TIAM1: variants seen among roughly 807,000 people sequenced by gnomAD.
TIAM1 encodes TIAM Rac1 associated GEF 1.
In TIAM1, 65 loss-of-function variants were observed where a neutral mutation model predicts 163.5. The ratio of observed to expected loss-of-function variants is 0.40; its 90% CI spans 0.33 to 0.49. The LOEUF (loss-of-function observed/expected upper bound fraction) is 0.49. Ranked by LOEUF, TIAM1 falls within the 20% of genes least tolerant of loss-of-function variation. The probability of loss-of-function intolerance (pLI) is 0.77; values close to 1 mark genes in which losing one functional copy is unlikely to be tolerated. For synonymous variants in TIAM1, 833 were observed against 810.1 expected (o/e 1.03, Z -0.48); for missense variants, 1,789 against 2,044.7 (o/e 0.87, Z 2.41).
intron 1 of TIAM1, among the ~76,000 whole-genome samples, chr21:31,526,823 T>C (rs2047802686): frequency 6.6e-6 from 1 of 152,062 alleles, no homozygotes; most frequent in Admixed American, 6.6e-5. Context: ...TGCCTCAACC[T>C]CCCAAGTAGC....
intron 1 of TIAM1, among the ~76,000 whole-genome samples, chr21:31,529,602 C>A (rs1401879440): frequency 6.6e-6 from 1 of 152,196 alleles, no homozygotes; most frequent in African/African-American, 2.4e-5. Context: ...GTCAGGGCTA[C>A]CTGCCCAGTT....
chr21:31,464,858 A>G (rs1213986451), intron 1 of TIAM1, among the ~76,000 whole-genome samples: 2 of 149,164 alleles, frequency 1.3e-5, no homozygotes, highest in Admixed American at 1.3e-4. Context: ...AAAAAAAAAA[A>G]AAAAAGCCAG....
Position 31,124,583 on chromosome 21 carries a change from G to A in TIAM1, c.4245C>T (p.Val1415=). 3 of 1,613,928 alleles carry A rather than the reference G, an allele frequency of 1.9e-6. No individual in the cohort carries two copies. Among genetic ancestry groups the A allele is most frequent in the Non-Finnish European group, 2.5e-6 (3 of 1,179,948 alleles). ...TESLPSSQQY[V]PFGGKRLCAL... Reference sequence around the variant, plus strand: ...CACACAATCTTTTGCCTCCAAAAGGGACATATTGCTGGGATGAGGGAAGGC... The same window carrying A: ...CACACAATCTTTTGCCTCCAAAAGGAACATATTGCTGGGATGAGGGAAGGC... Residue 1415 remains valine (V), a synonymous_variant, in exon 27 of 28, where the codon GTC becomes GTT. Transcript: ENST00000541036.
At chr21:31,375,494 C>CT (rs11403372) in intron 2 of TIAM1, among the ~76,000 whole-genome samples, 152,285 of 152,286 alleles carry the variant, frequency 1, 76,142 homozygotes, top group Non-Finnish European at 1. Flanking sequence ...CTTCGTCCAC[C>CT]TTTCTGTTTT....
chr21:31,332,009 G>C (rs986586808), intron 2 of TIAM1, among the ~76,000 whole-genome samples: 1 of 152,132 alleles, frequency 6.6e-6, no homozygotes, highest in South Asian at 2.1e-4. Flanking sequence ...ACATGCTCCT[G>C]TGTTCTCTTC....
chr21:31,205,493 T>C (rs73351540), intron 11 of TIAM1, among the ~76,000 whole-genome samples: 3,939 of 152,294 alleles, frequency 0.026, 181 homozygotes, highest in African/African-American at 0.09. Context: ...GACAGCCCAC[T>C]GTCAGGCACA....
In TIAM1 at chr21:31,197,939, CAG is replaced by C. The variant is rs781769237; in HGVS notation, c.2494-2636_2494-2635del. 1.8e-3 allele frequency among the ~76,000 whole-genome samples: 276 copies of C among 152,254 alleles called. 1 individual carries two copies. The highest frequency in any genetic ancestry group is 3.4e-3 in the Non-Finnish European group (231 of 68,032). ...TCCCAGATCAGCCTTCACTGGAACA[CAG>C]GGTATGAACGCAAAGGGAACCTACC... On this transcript the variant is annotated intron_variant, in intron 12 of 27. Coordinates refer to ENST00000541036, the MANE Select transcript of TIAM1 (RefSeq NM_001353694.2).
intron 6 of TIAM1, among the ~76,000 whole-genome samples, chr21:31,228,178 T>TG (rs1366208709): frequency 8.9e-6 from 1 of 112,586 alleles, no homozygotes; most frequent in African/African-American, 4.2e-5. Context: ...CCCAAAGTGC[T>TG]GGGATTACAG....
At chr21:31,517,216 C>A (rs1307528303) in intron 1 of TIAM1, among the ~76,000 whole-genome samples, 1 of 152,038 alleles carries the variant, frequency 6.6e-6, no homozygotes, top group Non-Finnish European at 1.5e-5. Flanking sequence ...CTCCATCACA[C>A]GATCTCAGGA....
At chr21:31,267,293 G>A (rs956370486) in intron 3 of TIAM1, among the ~76,000 whole-genome samples, 10 of 152,156 alleles carry the variant, frequency 6.6e-5, no homozygotes, top group Admixed American at 2.0e-4. Flanking sequence ...AGCTGAGAGC[G>A]CTGCTTTTGG....
intron 2 of TIAM1, among the ~76,000 whole-genome samples, chr21:31,362,445 AATTATTATTATTATTATT>A (rs10634487): frequency 3.5e-5 from 5 of 142,784 alleles, no homozygotes; most frequent in Admixed American, 1.4e-4. Context: ...ATGCAGTGAC[AATTATTATTATTATTATT>A]ATTATTATTA....
intron 1 of TIAM1, among the ~76,000 whole-genome samples, chr21:31,546,556 A>AAAGAAAGAAAGAAAGAAAGAAAG (rs2048497074): frequency 1.4e-5 from 2 of 143,388 alleles, no homozygotes; most frequent in East Asian, 6.1e-4. Flanking sequence ...TCTCAAAAAA[A>AAAGAAAGAAAGAAAGAAAGAAAG]AAAGAAAGAA....
intron 8 of TIAM1, among the ~76,000 whole-genome samples, chr21:31,221,452 G>T (rs1212284221): frequency 6.6e-6 from 1 of 152,142 alleles, no homozygotes; most frequent in Non-Finnish European, 1.5e-5. Flanking sequence ...TCTTCAGCTG[G>T]CCAAATTTTA....
chr21:31,266,898 GTGCT>G lies in TIAM1; in HGVS notation c.71_74del (p.Lys24ThrfsTer23). 1 of 1,613,616 alleles carries G rather than the reference GTGCT, an allele frequency of 6.2e-7. No homozygotes were observed. Reference sequence around the variant, plus strand: ...GCGAGAGGCGCAGGGAGCGGGAAGTGTGCTTGCGCCCCAGGCTGGCATGCTTTTC... The same window carrying G: ...GCGAGAGGCGCAGGGAGCGGGAAGTGTGCGCCCCAGGCTGGCATGCTTTTC... On this transcript the variant is annotated frameshift_variant, in exon 4 of 28. Transcript: ENST00000541036. LOFTEE classifies it high-confidence loss of function.
At chr21:31,369,213 G>A (rs376851441) in intron 2 of TIAM1, among the ~76,000 whole-genome samples, 1 of 100,478 alleles carries the variant, frequency 1.0e-5, no homozygotes. Flanking sequence ...GTGACAGAGC[G>A]AGAATCCATC....
intron 1 of TIAM1, among the ~76,000 whole-genome samples, chr21:31,539,209 CAG>C (rs1428658535): frequency 6.7e-6 from 1 of 149,104 alleles, no homozygotes; most frequent in Non-Finnish European, 1.5e-5. Flanking sequence ...ATACCTTTGA[CAG>C]AGTATTCTGA....
At chr21:31,147,933 T>C (rs1477103704) in intron 19 of TIAM1, among the ~76,000 whole-genome samples, 1 of 115,584 alleles carries the variant, frequency 8.7e-6, no homozygotes. Context: ...TGAATTTGAG[T>C]AACAAACTAG....
At position 31,269,667 on chromosome 21, in the gene TIAM1, G is replaced by GTTTT. The variant is rs1383457242; in HGVS notation, c.-11-2685_-11-2684insAAAA. Among the ~76,000 whole-genome samples the GTTTT allele has an allele frequency of 4.6e-4, 60 of 130,612 alleles. 3 individuals are homozygous for GTTTT. Among genetic ancestry groups the GTTTT allele is most frequent in the African/African-American group, 1.5e-3 (50 of 32,454 alleles). 85.7% of individuals were successfully genotyped at this position (130,612 alleles called of 152,430 possible). ...CAGAAAGTTGGTGAACTTTAAGTTTGTTTGTTTTTTTTTTTTTTTTTTGAG... is the reference window on the plus strand; with the variant it reads ...CAGAAAGTTGGTGAACTTTAAGTTTGTTTTTTTGTTTTTTTTTTTTTTTTTTGAG... On this transcript the variant is annotated intron_variant, in intron 3 of 27. Coordinates refer to ENST00000541036, the MANE Select transcript of TIAM1 (RefSeq NM_001353694.2).
intron 2 of TIAM1, among the ~76,000 whole-genome samples, chr21:31,403,450 G>A (rs778397770): frequency 6.6e-6 from 1 of 152,074 alleles, no homozygotes; most frequent in African/African-American, 2.4e-5. Flanking sequence ...CCCGGCCGAT[G>A]ACATACTTTT....
Sources: gnomAD v4.1 joint callset for allele counts (sites outside exome capture counted in the v4.1 genomes callset) on GRCh38, gnomAD v4.1.1 for gene constraint, MANE v1.5 for transcripts, NCBI Gene and HGNC (gene_info 2026-07-23, HGNC 2026-07-21) for gene names.